The following PLPP3 variants were observed in gnomAD, a reference collection of about 807,000 sequenced individuals.
PLPP3 encodes the protein phospholipid phosphatase 3, also known as PAP2 beta.
In PLPP3, 6 loss-of-function variants were observed where a neutral mutation model predicts 29.6. The observed-to-expected ratio is 0.20, with a 90% CI of 0.11 to 0.40. The LOEUF (loss-of-function observed/expected upper bound fraction) is 0.40. Among genes scored for constraint, PLPP3 ranks in the 10% least tolerant of loss-of-function variants. PLPP3 has a pLI of 1.00. For missense variants in PLPP3, 308 were observed against 407.7 expected (o/e 0.76, Z 2.11); for synonymous variants, 152 against 159.7 (o/e 0.95, Z 0.36).
intron 1 of PLPP3, among the ~76,000 whole-genome samples, chr1:56,551,313 T>TTGG (rs1267304234): frequency 6.8e-6 from 1 of 147,054 alleles, no homozygotes. Context: ...TCGGTTCGGT[T>TTGG]CGGTTCGGTT....
At chr1:56,557,004 AAGAAAG>A (rs1646082857) in intron 1 of PLPP3, among the ~76,000 whole-genome samples, 2 of 4,520 alleles carry the variant, frequency 4.4e-4, no homozygotes, top group African/African-American at 7.0e-4. Flanking sequence ...GAAAGAAAGA[AAGAAAG>A]AGAGAGAGAG....
intron 1 of PLPP3, among the ~76,000 whole-genome samples, chr1:56,565,295 C>T (rs374769354): frequency 2.0e-5 from 3 of 152,026 alleles, no homozygotes; most frequent in African/African-American, 7.3e-5. Flanking sequence ...CAAAATCTTT[C>T]AATGTGACTT....
At chr1:56,497,719 T>C (rs1439445077) in intron 5 of PLPP3, among the ~76,000 whole-genome samples, 1 of 152,186 alleles carries the variant, frequency 6.6e-6, no homozygotes, top group Non-Finnish European at 1.5e-5. Flanking sequence ...GGCCACATTA[T>C]AGGCAAGAAA....
chr1:56,513,196 TA>T (rs367756101), intron 4 of PLPP3: 1,538 of 147,766 alleles, frequency 0.01, 31 homozygotes, highest in African/African-American at 0.037. Context: ...AATGGAAGAT[TA>T]AAAAAAAAAC....
At chr1:56,505,971 T>C (rs753879500) in intron 5 of PLPP3, among the ~76,000 whole-genome samples, 5 of 152,188 alleles carry the variant, frequency 3.3e-5, no homozygotes, top group Non-Finnish European at 5.9e-5. Context: ...CTCTCCCACA[T>C]CCATGTTTCT....
rs77874030 is a variant in PLPP3 at position 56,543,488 on chromosome 1, A to G, written c.140-6376T>C. ...AAATATCACTCACTGATTTTTTTAAATCACTTAAGGCCAGAATGGTCAACA... is the reference window on the plus strand; with the variant it reads ...AAATATCACTCACTGATTTTTTTAAGTCACTTAAGGCCAGAATGGTCAACA... On this transcript the variant is annotated intron_variant, in intron 1 of 5. Coordinates refer to ENST00000371250, the MANE Select transcript of PLPP3 (RefSeq NM_003713.5). Among the ~76,000 whole-genome samples the G allele has an allele frequency of 3.9e-4, 59 of 152,308 alleles. No individual in the cohort carries two copies. In the East Asian group the frequency reaches 0.011, roughly 27 times the overall value.
chr1:56,511,950 C>A (rs1293711900), intron 5 of PLPP3, 26 bp downstream of exon 5: 2 of 1,612,180 alleles, frequency 1.2e-6, no homozygotes, highest in African/African-American at 1.3e-5. Context: ...GCTCCACTTG[C>A]ATATTGAGGA....
At chr1:56,550,658 A>C (rs536870619) in intron 1 of PLPP3, among the ~76,000 whole-genome samples, 3 of 151,818 alleles carry the variant, frequency 2.0e-5, no homozygotes, top group South Asian at 4.2e-4. Context: ...AACCCAGCCC[A>C]CCTGACCCCT....
At chr1:56,509,158 C>T (rs2100229459) in intron 5 of PLPP3, among the ~76,000 whole-genome samples, 1 of 152,208 alleles carries the variant, frequency 6.6e-6, no homozygotes, top group South Asian at 2.1e-4. Context: ...AGATTGAGTC[C>T]CTGTTCTTGC....
intron 1 of PLPP3, among the ~76,000 whole-genome samples, chr1:56,557,025 A>AG (rs1557513625): frequency 0.057 from 864 of 15,104 alleles, 233 homozygotes; most frequent in East Asian, 0.096. Context: ...AGAGAGAGAG[A>AG]AAGAGAGAGA....
chr1:56,542,204 A>AAAAACT (rs1344971202), intron 1 of PLPP3, among the ~76,000 whole-genome samples: 4 of 152,138 alleles, frequency 2.6e-5, no homozygotes, highest in Admixed American at 6.6e-5. Flanking sequence ...TCTGGCTTTG[A>AAAAACT]AAAACTAACA....
chr1:56,517,044 G>C (rs186455421), intron 4 of PLPP3: 1 of 152,152 alleles, frequency 6.6e-6, no homozygotes, highest in East Asian at 1.9e-4. Flanking sequence ...AGTCACATTC[G>C]TTCTTGCTAA....
chr1:56,539,752 G>A (rs753255042), intron 1 of PLPP3, among the ~76,000 whole-genome samples: 6 of 152,122 alleles, frequency 3.9e-5, no homozygotes, highest in Admixed American at 1.3e-4. Flanking sequence ...ATATGGTCCC[G>A]AACCATCTTC....
chr1:56,501,398 G>A (rs1285353309), intron 5 of PLPP3, among the ~76,000 whole-genome samples: 6 of 151,990 alleles, frequency 3.9e-5, no homozygotes, highest in East Asian at 3.9e-4. Flanking sequence ...TGCCCCCCAC[G>A]CCAGTGGCAT....
intron 2 of PLPP3, among the ~76,000 whole-genome samples, chr1:56,533,752 T>A (rs1423471488): frequency 6.7e-6 from 1 of 149,092 alleles, no homozygotes; most frequent in Non-Finnish European, 1.5e-5. Context: ...GGTGAACCGT[T>A]GTGACCAATT....
chr1:56,572,042 G>GT (rs1278596183), intron 1 of PLPP3, among the ~76,000 whole-genome samples: 4 of 62,624 alleles, frequency 6.4e-5, no homozygotes, highest in African/African-American at 9.3e-5. Context: ...AATCATTTCT[G>GT]GTTTTTTTTT....
Position 56,560,876 on chromosome 1 carries a change from C to T in PLPP3, c.139+18002G>A, listed in dbSNP as rs190941323. 1.6e-3 allele frequency among the ~76,000 whole-genome samples: 223 copies of T among 138,188 alleles called. 2 individuals carry two copies. The highest frequency in any genetic ancestry group is 1.8e-3 in the South Asian group (7 of 3,934). The allele number at this position is 138,188 out of a possible 152,430, so 90.7% of individuals were successfully genotyped here. On this transcript the variant is annotated intron_variant, in intron 1 of 5. Coordinates refer to ENST00000371250, the MANE Select transcript of PLPP3 (RefSeq NM_003713.5). The stretch of plus-strand genomic sequence containing the variant: ...TTTTTGAGACAGAGTCCTCCTCTGT[C>T]GCCCAGGCTGGAGTGCAGTGGCCTG...
rs141414880 is a variant in PLPP3, at chr1:56,549,650, T to C, written c.140-12538A>G. 2.9e-3 allele frequency among the ~76,000 whole-genome samples: 435 copies of C among 152,302 alleles called. 2 individuals carry two copies. The highest frequency in any genetic ancestry group is 9.7e-3 in the African/African-American group (405 of 41,562). ...AGAGGGGCTTCACTACCTACCTTTG[T>C]CCCAGCTGGGGTAACTGAGGAGCAC... On this transcript the variant is annotated intron_variant, in intron 1 of 5. Coordinates refer to ENST00000371250, the MANE Select transcript of PLPP3 (RefSeq NM_003713.5).
At chr1:56,538,491 A>T in intron 1 of PLPP3, 8 of 449,132 alleles carry the variant, frequency 1.8e-5, no homozygotes, top group Non-Finnish European at 3.1e-5. Flanking sequence ...CACCCGATAG[A>T]TGTTCTCTAG....
Sources: allele counts gnomAD v4.1 joint callset (sites outside exome capture counted in the v4.1 genomes callset), GRCh38; gene constraint gnomAD v4.1.1; transcripts MANE v1.5; gene names NCBI Gene and HGNC (gene_info 2026-07-23, HGNC 2026-07-21).